The following CHD6 variants were observed in gnomAD, a reference collection of about 807,000 sequenced individuals.
The protein encoded by CHD6 is ATP-dependent chromatin remodeler CHD6.
In CHD6, 50 loss-of-function variants were observed where a neutral mutation model predicts 276.9. The ratio of observed to expected loss-of-function variants is 0.18; its 90% CI spans 0.14 to 0.23. CHD6 has a LOEUF of 0.23. Among genes scored for constraint, CHD6 ranks in the 10% least tolerant of loss-of-function variants. The pLI, the probability that CHD6 is intolerant of heterozygous loss-of-function variation, is 1.00. For missense variants in CHD6, 2,564 were observed against 3,365.8 expected (o/e 0.76, Z 5.89); for synonymous variants, 1,173 against 1,229.3 (o/e 0.95, Z 0.96).
In CHD6 at chr20:41,498,902, T is replaced by C. The variant is rs962815505; in HGVS notation, c.915+393A>G. 3.3e-5 allele frequency among the ~76,000 whole-genome samples: 5 copies of C among 151,896 alleles called. 1 individual carries two copies. The highest frequency in any genetic ancestry group is 7.4e-5 in the Non-Finnish European group (5 of 67,966). ...ATTGCCCAGGTTGGTCTTGAACTAC[T>C]GGGCTCAAGTGAACCTCCGATGTTG... On this transcript the variant is annotated intron_variant, in intron 6 of 36. Coordinates refer to ENST00000373233, the MANE Select transcript of CHD6 (RefSeq NM_032221.5).
At position 41,586,739 on chromosome 20, in the gene CHD6, G is replaced by A. The variant is rs866274540; in HGVS notation, c.-24+31601C>T. 3.9e-5 allele frequency among the ~76,000 whole-genome samples: 6 copies of A among 152,108 alleles called. No individual in the cohort carries two copies. In the South Asian group the frequency reaches 6.2e-4, roughly 16 times the overall value. ...AACAGACCAAAGGAAAAACCCCATG[G>A]TCATCGTGATACACAAAAAGCATGT... On this transcript the variant is annotated intron_variant, in intron 1 of 36. Transcript: ENST00000373233.
chr20:41,444,073 G>A (rs554004523), intron 25 of CHD6, among the ~76,000 whole-genome samples: 11 of 152,308 alleles, frequency 7.2e-5, no homozygotes, highest in African/African-American at 2.4e-4. Context: ...ACTGAAATGA[G>A]ACTCAGGGTC....
rs1045781769 is a variant in CHD6, at chr20:41,452,118, G to A, written c.3324-93C>T. The A allele has an allele frequency of 3.1e-6, 3 of 982,882 alleles. No individual in the cohort carries two copies. In the African/African-American group the frequency reaches 4.8e-5, roughly 16 times the overall value. The allele number at this position is 982,882 out of a possible 1,614,324, so 60.9% of individuals were successfully genotyped here. On this transcript the variant is annotated intron_variant, in intron 21 of 36. Coordinates refer to ENST00000373233, the MANE Select transcript of CHD6 (RefSeq NM_032221.5). This position sits in a 1 kb window ranked among gnomAD's most constrained non-coding sequence, Gnocchi z 4.2. The stretch of plus-strand genomic sequence containing the variant: ...AGGAGGAGAAACAAGAGCCATACAT[G>A]CTTTTTGTTCTCTGTAGGTCTGTTA...
In CHD6 at chr20:41,611,210, G is replaced by C. The variant is rs12479619; in HGVS notation, c.-24+7130C>G. ...TTGCTTAGACTCATTTTAGGTTAAAGGACAATCTTGTTTCCTATTATATTT... is the reference window on the plus strand; with the variant it reads ...TTGCTTAGACTCATTTTAGGTTAAACGACAATCTTGTTTCCTATTATATTT... On this transcript the variant is annotated intron_variant, in intron 1 of 36. Coordinates refer to ENST00000373233, the MANE Select transcript of CHD6 (RefSeq NM_032221.5). Among the ~76,000 whole-genome samples the C allele has an allele frequency of 5.0e-3, 765 of 152,198 alleles. 24 individuals carry two copies. The highest frequency in any genetic ancestry group is 0.042 in the Admixed American group (642 of 15,294).
chr20:41,416,706 C>T lies in CHD6; in HGVS notation c.6368G>A (p.Gly2123Asp), dbSNP rs773695750. 2.5e-6 allele frequency: 4 copies of T among 1,613,818 alleles called. No individual in the cohort carries two copies. The highest frequency in any genetic ancestry group is 3.4e-6 in the Non-Finnish European group (4 of 1,179,900). Residue 2123 changes from glycine (G) to aspartate (D), a missense_variant, in exon 33 of 37, where the codon GGC becomes GAC. Coordinates refer to ENST00000373233, the MANE Select transcript of CHD6 (RefSeq NM_032221.5). ...WPSSQQYEPS[G>D]TLPTPVLTSS... ...GGTTAATACCGGGGTGGGCAGTGTG[C>T]CTGAGGGCTCATACTGCTGGCTAGA...
At chr20:41,598,469 C>T (rs953616188) in intron 1 of CHD6, among the ~76,000 whole-genome samples, 5 of 152,206 alleles carry the variant, frequency 3.3e-5, no homozygotes, top group Non-Finnish European at 5.9e-5. Context: ...ACTGTTAACG[C>T]TTGTGCAACG....
At chr20:41,436,031 C>A (rs572430444) in intron 27 of CHD6, among the ~76,000 whole-genome samples, 3 of 152,074 alleles carry the variant, frequency 2.0e-5, no homozygotes, top group South Asian at 4.1e-4. Context: ...CCATGTTGCC[C>A]AGGCTAGTCT....
At chr20:41,511,701 CCAA>C (rs1240840158) in intron 5 of CHD6, among the ~76,000 whole-genome samples, 1 of 152,124 alleles carries the variant, frequency 6.6e-6, no homozygotes, top group Non-Finnish European at 1.5e-5. Context: ...CAGCATCCAG[CCAA>C]GATTATCCAT....
Position 41,403,746 on chromosome 20 carries a change from A to C in CHD6, c.*847T>G, listed in dbSNP as rs2046592064. ...CAGAGAGGCAAATTAATGGCTAGAG[A>C]AATCTGTAAGCGAACCAGGTGAGAG... On this transcript the variant is annotated 3_prime_UTR_variant, in exon 37 of 37. Transcript: ENST00000373233. 17 of 1,057,408 alleles carry C rather than the reference A, an allele frequency of 1.6e-5. No homozygotes were observed. Among genetic ancestry groups the C allele is most frequent in the Non-Finnish European group, 1.9e-5 (17 of 874,322 alleles). 65.5% of individuals were successfully genotyped at this position (1,057,408 alleles called of 1,614,324 possible).
At chr20:41,498,354 T>C in intron 6 of CHD6, 128 bp from the exon 7 acceptor site, 1 of 705,742 alleles carries the variant, frequency 1.4e-6, no homozygotes, top group Admixed American at 3.1e-5. Flanking sequence ...TATTTTCATT[T>C]TCCCAGGCCT....
At chr20:41,530,853 G>A (rs1315350903) in intron 3 of CHD6, among the ~76,000 whole-genome samples, 1 of 152,116 alleles carries the variant, frequency 6.6e-6, no homozygotes, top group Non-Finnish European at 1.5e-5. Context: ...GGTGTCTCTT[G>A]GACTTCTAAA....
chr20:41,539,646 C>T (rs2044902243), intron 2 of CHD6, among the ~76,000 whole-genome samples: 1 of 152,106 alleles, frequency 6.6e-6, no homozygotes, highest in African/African-American at 2.4e-5. Flanking sequence ...TACAACAAAA[C>T]AATACTAAAA....
intron 18 of CHD6, 96 bp downstream of exon 18, chr20:41,457,168 C>T (rs1432796165): frequency 1.1e-5 from 16 of 1,422,672 alleles, no homozygotes; most frequent in South Asian, 2.9e-5. Context: ...CTCAATGCAG[C>T]GAAAGTGAAC....
chr20:41,609,847 T>C (rs1248894829), intron 1 of CHD6, among the ~76,000 whole-genome samples: 2 of 149,394 alleles, frequency 1.3e-5, no homozygotes, highest in Admixed American at 6.6e-5. Flanking sequence ...CCTTTTTTTT[T>C]CTTTTTTCTT....
Position 41,554,982 on chromosome 20 carries a change from C to T in CHD6, c.-23-3622G>A, listed in dbSNP as rs908300109. 2.6e-5 allele frequency among the ~76,000 whole-genome samples: 4 copies of T among 151,142 alleles called. No individual in the cohort carries two copies. The South Asian group carries it at 6.3e-4, about 24-fold the overall frequency. ...CCGGGCAGAGGCGCCCCTCACCTCC[C>T]GGACGGGGCGGCTGGCCGGGCGGGG... On this transcript the variant is annotated intron_variant, in intron 1 of 36. Coordinates refer to ENST00000373233, the MANE Select transcript of CHD6 (RefSeq NM_032221.5).
At chr20:41,564,111 G>C (rs1271319291) in intron 1 of CHD6, 1 of 776,972 alleles carries the variant, frequency 1.3e-6, no homozygotes, top group East Asian at 2.4e-5. Flanking sequence ...TTCATTTACA[G>C]AACTGGTACA....
At chr20:41,477,612 G>C (rs1056780134) in intron 16 of CHD6, among the ~76,000 whole-genome samples, 2 of 152,068 alleles carry the variant, frequency 1.3e-5, no homozygotes, top group Non-Finnish European at 2.9e-5. Flanking sequence ...TGACAGTAAA[G>C]GATGTTTTAA....
At chr20:41,453,063 G>C (rs957550946) in intron 20 of CHD6, 121 bp from the exon 21 acceptor site, 1 of 726,354 alleles carries the variant, frequency 1.4e-6, no homozygotes, top group South Asian at 1.7e-5. Context: ...CCTCCAGCAC[G>C]AAGGGCTATT....
At chr20:41,441,470 A>C (rs1185044290) in intron 25 of CHD6, among the ~76,000 whole-genome samples, 1 of 152,044 alleles carries the variant, frequency 6.6e-6, no homozygotes, top group East Asian at 1.9e-4. Context: ...TCATGAAGAG[A>C]GGGGTAATTT....
Sources: allele counts gnomAD v4.1 joint callset (sites outside exome capture counted in the v4.1 genomes callset), GRCh38; gene constraint gnomAD v4.1.1; non-coding constraint Gnocchi (gnomAD v3.1); transcripts MANE v1.5; gene names NCBI Gene and HGNC (gene_info 2026-07-23, HGNC 2026-07-21).